The following CABLES1 variants were observed in gnomAD, a reference collection of about 807,000 sequenced individuals.
CABLES1 encodes CDK5 and ABL1 enzyme substrate 1.
A neutral mutation model predicts 57.8 loss-of-function variants in CABLES1; 36 were observed. That is an observed-to-expected ratio of 0.62 (90% confidence interval 0.48 to 0.82). CABLES1 has a LOEUF of 0.82. Among genes scored for constraint, CABLES1 ranks in the 40% least tolerant of loss-of-function variants. CABLES1 has a pLI of 0.00. For missense variants in CABLES1, 767 were observed against 836.6 expected, an observed-to-expected ratio of 0.92 and a Z score of 1.03; for synonymous variants, 374 against 363.0, an observed-to-expected ratio of 1.03 and a Z score of -0.35.
rs185106102 is a variant in CABLES1, at chr18:23,252,855, C to A, written c.1447-105C>A. On this transcript the variant is annotated intron_variant, in intron 7 of 9. Transcript: ENST00000256925. ...GTTGTAGCTCCAATGCAAGTTTTCC[C>A]GTTGCTCATGGCTTTGGGAGTTGTA... is the stretch of plus-strand genomic sequence containing the variant. The A allele has an allele frequency of 4.4e-3, 3,113 of 702,128 alleles. 14 individuals carry two copies. The highest frequency in any genetic ancestry group is 6.8e-3 in the Non-Finnish European group (2,746 of 402,102). The allele number at this position is 702,128 out of a possible 1,614,324, so 43.5% of individuals were successfully genotyped here. A position where few individuals can be genotyped will look rare whatever the true frequency, so the allele number is the denominator to read the frequency against.
rs530882749 is a variant in CABLES1 at position 23,243,643 on chromosome 18, C to T, written c.1446+6398C>T. On this transcript the variant is annotated intron_variant, in intron 7 of 9. Transcript: ENST00000256925. ...ATCCCAGCACTTTGGGAGGCCAAGG[C>T]GGGTGGATCACCTGAGGTCAGGAGT... Among the ~76,000 whole-genome samples the T allele has an allele frequency of 2.7e-4, 41 of 151,776 alleles. 2 individuals are homozygous for T. The South Asian group carries it at 7.9e-3, about 29-fold the overall frequency.
At chr18:23,161,815 A>T (rs760792669) in intron 1 of CABLES1, among the ~76,000 whole-genome samples, 15 of 150,166 alleles carry the variant, frequency 1.0e-4, no homozygotes, top group Non-Finnish European at 1.9e-4. Flanking sequence ...CCAGCTACTC[A>T]GGAGGCTGCG....
At chr18:23,227,435 A>C (rs1598840963) in intron 4 of CABLES1, among the ~76,000 whole-genome samples, 1 of 152,344 alleles carries the variant, frequency 6.6e-6, no homozygotes, top group East Asian at 1.9e-4. Flanking sequence ...GTCATAAGCT[A>C]CGTTAAGACC....
rs771528127 is a variant in CABLES1, at chr18:23,136,001, C to T, written c.239C>T (p.Pro80Leu). ...TNISLDGRLP[P>L]QDAEWGGGEE... is the part of the protein sequence containing the mutation. The stretch of plus-strand genomic sequence containing the variant: ...ATCTCGCTGGACGGCCGGCTGCCGC[C>T]GCAGGACGCGGAGTGGGGCGGTGGC... Residue 80 changes from proline (P) to leucine (L), a missense_variant, in exon 1 of 10, where the codon CCG (proline) becomes CTG (leucine). By Grantham distance (98) the Pro-to-Leu change is moderately conservative. Transcript: ENST00000256925. The T allele has an allele frequency of 5.3e-6, 6 of 1,140,810 alleles. No individual in the cohort carries two copies. The highest frequency in any genetic ancestry group is 4.6e-5 in the Admixed American group (1 of 21,622). The allele number at this position is 1,140,810 out of a possible 1,614,324, so 70.7% of individuals were successfully genotyped here.
rs751823917 is a variant in CABLES1, at chr18:23,237,243, A to G, written c.1444A>G (p.Met482Val). 5 of 1,596,878 alleles carry G rather than the reference A, an allele frequency of 3.1e-6. No homozygotes were observed. Among genetic ancestry groups the G allele is most frequent in the African/African-American group, 1.3e-5 (1 of 74,530 alleles). ...ACGCGTTCTGATCTTCCCTTCCTAC[A>G]TGGTGAGTAGCGTGGAATGGAGGCT... ...HKRVLIFPSY[M>V]TTVIDYVKPS... is the part of the protein sequence containing the mutation. Residue 482 changes from methionine (M) to valine (V), a missense_variant and splice_region_variant, in exon 7 of 10, where the codon ATG (methionine) becomes GTG (valine). Around this residue, in one of 4 missense-constraint regions of CABLES1, gnomAD observed 529 missense variants for 622.8 expected, o/e 0.85. Coordinates refer to ENST00000256925, the MANE Select transcript of CABLES1 (RefSeq NM_001100619.3).
At chr18:23,185,470 A>G (rs2047196105) in intron 1 of CABLES1, among the ~76,000 whole-genome samples, 1 of 152,108 alleles carries the variant, frequency 6.6e-6, no homozygotes, top group Non-Finnish European at 1.5e-5. Flanking sequence ...TGTTCCTGAC[A>G]GGGCTCACGG....
Position 23,246,676 on chromosome 18 carries a change from C to G in CABLES1, c.1447-6284C>G, listed in dbSNP as rs1024155836. ...AAAGTGCTGGGATTATATGCTTGAGCCACCGCACCCGGCCAGTTTTTTCGT... is the reference window on the plus strand; with the variant it reads ...AAAGTGCTGGGATTATATGCTTGAGGCACCGCACCCGGCCAGTTTTTTCGT... On this transcript the variant is annotated intron_variant, in intron 7 of 9. Transcript: ENST00000256925. Among the ~76,000 whole-genome samples the G allele has an allele frequency of 4.6e-5, 7 of 151,616 alleles. 1 individual carries two copies. Among genetic ancestry groups the G allele is most frequent in the African/African-American group, 1.5e-4 (6 of 41,036 alleles).
chr18:23,195,943 A>G (rs967819559), intron 3 of CABLES1, among the ~76,000 whole-genome samples: 1 of 152,244 alleles, frequency 6.6e-6, no homozygotes, highest in Non-Finnish European at 1.5e-5. Flanking sequence ...ACATAAATGT[A>G]GAAAGCCTTT....
intron 3 of CABLES1, among the ~76,000 whole-genome samples, chr18:23,205,381 A>G (rs2047355936): frequency 6.6e-6 from 1 of 151,794 alleles, no homozygotes; most frequent in African/African-American, 2.4e-5. Flanking sequence ...TTTAGTAGAG[A>G]CAGAGTTTCA....
At chr18:23,170,613 G>A (rs944818417) in intron 1 of CABLES1, among the ~76,000 whole-genome samples, 1 of 152,164 alleles carries the variant, frequency 6.6e-6, no homozygotes, top group Non-Finnish European at 1.5e-5. Flanking sequence ...TGATGACTAT[G>A]AGGCATTACA....
chr18:23,194,569 A>G, intron 3 of CABLES1, 29 bp downstream of exon 3: 1 of 1,464,980 alleles, frequency 6.8e-7, no homozygotes, highest in East Asian at 2.3e-5. Context: ...AGCGGCTGCC[A>G]GCACCAGTGG....
At position 23,136,316 on chromosome 18, in the gene CABLES1, C is replaced by T. The variant is rs1170211502; in HGVS notation, c.554C>T (p.Pro185Leu). 1 of 1,404,624 alleles carries T rather than the reference C, an allele frequency of 7.1e-7. No individual in the cohort carries two copies. The highest frequency in any genetic ancestry group is 9.2e-7 in the Non-Finnish European group (1 of 1,085,128). The allele number at this position is 1,404,624 out of a possible 1,614,324, so 87.0% of individuals were successfully genotyped here. Residue 185 changes from proline to leucine, a missense_variant, in exon 1 of 10, where the codon CCG becomes CTG. By Grantham distance (98) the Pro-to-Leu change is moderately conservative (BLOSUM62 -3). Around this residue, in one of 4 missense-constraint regions of CABLES1, gnomAD observed 529 missense variants for 622.8 expected, o/e 0.85. Coordinates refer to ENST00000256925, the MANE Select transcript of CABLES1 (RefSeq NM_001100619.3). ...ASGEQWQPPRPAPLAACAQLQ... is the reference protein window; with the variant it reads ...ASGEQWQPPRLAPLAACAQLQ... ...GGGGAGCAGTGGCAGCCGCCCCGGC[C>T]GGCGCCTCTCGCCGCCTGTGCCCAA...
chr18:23,180,507 G>C (rs891452951), intron 1 of CABLES1, among the ~76,000 whole-genome samples: 1 of 151,840 alleles, frequency 6.6e-6, no homozygotes, highest in Non-Finnish European at 1.5e-5. Flanking sequence ...ACAATTCTTG[G>C]GCTTATGTGT....
chr18:23,246,506 G>A (rs186336959), intron 7 of CABLES1, among the ~76,000 whole-genome samples: 23 of 151,694 alleles, frequency 1.5e-4, no homozygotes, highest in African/African-American at 4.4e-4. Context: ...ATTCTCCTGC[G>A]TCAGCCTCCC....
intron 4 of CABLES1, among the ~76,000 whole-genome samples, chr18:23,223,129 T>G (rs897172121): frequency 7.2e-5 from 11 of 152,200 alleles, no homozygotes; most frequent in Non-Finnish European, 1.3e-4. Flanking sequence ...CGAGCCCTGT[T>G]GGAATTCCCT....
In CABLES1 at chr18:23,209,881, G is replaced by A. The variant is rs147256846; in HGVS notation, c.1011-4096G>A. Among the ~76,000 whole-genome samples, 492 of 152,260 alleles carry A rather than the reference G, an allele frequency of 3.2e-3. 4 individuals carry two copies. Among genetic ancestry groups the A allele is most frequent in the African/African-American group, 9.6e-3 (398 of 41,540 alleles). ...CCCGTGGTGCTCTGTCACCTTGCGG[G>A]GGGGCGGTCCTTGTGCATCTCCTGG... On this transcript the variant is annotated intron_variant, in intron 3 of 9. Coordinates refer to ENST00000256925, the MANE Select transcript of CABLES1 (RefSeq NM_001100619.3).
At chr18:23,156,273 G>A (rs935699740) in intron 1 of CABLES1, among the ~76,000 whole-genome samples, 3 of 152,208 alleles carry the variant, frequency 2.0e-5, no homozygotes, top group Middle Eastern at 3.2e-3. Context: ...TGAGCCTGCC[G>A]TGTGCTTCTG....
At chr18:23,238,452 G>A (rs546952318) in intron 7 of CABLES1, among the ~76,000 whole-genome samples, 17 of 152,148 alleles carry the variant, frequency 1.1e-4, no homozygotes, top group Non-Finnish European at 1.9e-4. Flanking sequence ...TGAAATTGCC[G>A]CTTCTCCTCA....
At position 23,246,592 on chromosome 18, in the gene CABLES1, C is replaced by T. The variant is rs191585795; in HGVS notation, c.1447-6368C>T. On this transcript the variant is annotated intron_variant, in intron 7 of 9. Coordinates refer to ENST00000256925, the MANE Select transcript of CABLES1 (RefSeq NM_001100619.3). ...GTTTTTAGTAGAGATGGGGTTTCAC[C>T]GTGTTAGCCAGGATGGTCTCGATCT... is the stretch of plus-strand genomic sequence containing the variant. Among the ~76,000 whole-genome samples the T allele has an allele frequency of 6.8e-3, 1,027 of 151,762 alleles. 13 individuals are homozygous for T. Among genetic ancestry groups the T allele is most frequent in the African/African-American group, 0.018 (754 of 41,198 alleles).
Sources: allele counts gnomAD v4.1 joint callset (sites outside exome capture counted in the v4.1 genomes callset), GRCh38; gene constraint gnomAD v4.1.1; regional missense constraint gnomAD v4.1.1; transcripts MANE v1.5; gene names NCBI Gene and HGNC (gene_info 2026-07-23, HGNC 2026-07-21).